Variants in GLIS3 observed in about 807,000 individuals in gnomAD.
GLIS3 encodes zinc finger protein GLIS3.
GLIS3 carries 53 observed loss-of-function variants against 78.6 expected under a neutral mutation model. That is an observed-to-expected ratio of 0.67 (90% confidence interval 0.54 to 0.85). The LOEUF (loss-of-function observed/expected upper bound fraction) is 0.85. Ranked by LOEUF, GLIS3 falls within the 40% of genes least tolerant of loss-of-function variation. The pLI is 0.00. For synonymous variants in GLIS3, 684 were observed against 509.9 expected (o/e 1.34, Z -4.60); for missense variants, 1,703 against 1,231.1 (o/e 1.38, Z -5.74).
At chr9:4,203,006 C>T (rs1274873165) in intron 2 of GLIS3, among the ~76,000 whole-genome samples, 1 of 152,042 alleles carries the variant, frequency 6.6e-6, no homozygotes. Flanking sequence ...TTCTATACGG[C>T]AAAAGAAATT....
the GLIS3 span, among the ~76,000 whole-genome samples, chr9:4,488,524 C>CA: frequency 6.7e-6 from 1 of 149,350 alleles, no homozygotes; most frequent in Non-Finnish European, 1.5e-5. Context: ...CGCTCTCTCT[C>CA]TTTTTTTTTT....
chr9:4,413,711 G>T, the GLIS3 span, among the ~76,000 whole-genome samples: 1 of 152,048 alleles, frequency 6.6e-6, no homozygotes, highest in Non-Finnish European at 1.5e-5. Flanking sequence ...TAACACGGGG[G>T]ACTCATTTGA....
intron 2 of GLIS3, among the ~76,000 whole-genome samples, chr9:4,346,069 A>C (rs1817893994): frequency 6.6e-6 from 1 of 152,198 alleles, no homozygotes; most frequent in Non-Finnish European, 1.5e-5. Context: ...TAAAATTATG[A>C]TCAATTCACT....
At chr9:4,037,349 T>A (rs1475442387) in intron 4 of GLIS3, among the ~76,000 whole-genome samples, 1 of 152,154 alleles carries the variant, frequency 6.6e-6, no homozygotes, top group Non-Finnish European at 1.5e-5. Context: ...CGTGCCTCAG[T>A]TTTCTCATCT....
At chr9:4,115,059 T>A (rs1272466394) in intron 4 of GLIS3, among the ~76,000 whole-genome samples, 2 of 152,314 alleles carry the variant, frequency 1.3e-5, no homozygotes, top group East Asian at 3.9e-4. Flanking sequence ...AGCCACTTAC[T>A]GTAAGCAAGC....
the GLIS3 span, among the ~76,000 whole-genome samples, chr9:4,468,809 G>A: frequency 3.3e-5 from 5 of 152,102 alleles, no homozygotes; most frequent in Admixed American, 6.6e-5. Context: ...ATGTAAATGG[G>A]CTAAATGCTC....
chr9:4,011,172 T>A (rs1487536698), intron 4 of GLIS3, among the ~76,000 whole-genome samples: 1 of 152,052 alleles, frequency 6.6e-6, no homozygotes, highest in Non-Finnish European at 1.5e-5. Context: ...GTTTTATGCA[T>A]AGGAAGCGCT....
At chr9:4,135,907 T>C (rs1334715444) in intron 2 of GLIS3, among the ~76,000 whole-genome samples, 1 of 152,190 alleles carries the variant, frequency 6.6e-6, no homozygotes, top group Non-Finnish European at 1.5e-5. Flanking sequence ...GCTTGCTATG[T>C]AGTGTTTTGT....
At chr9:4,353,162 C>T (rs1307720209), upstream of GLIS3, among the ~76,000 whole-genome samples, 1 of 152,118 alleles carries the variant, frequency 6.6e-6, no homozygotes, top group Non-Finnish European at 1.5e-5. Context: ...TGAGAAGTTC[C>T]CTCTCTTGAC....
intron 1 of GLIS3, among the ~76,000 whole-genome samples, chr9:4,297,869 G>A (rs1282950249): frequency 1.3e-5 from 2 of 152,102 alleles, no homozygotes; most frequent in Non-Finnish European, 2.9e-5. Flanking sequence ...GGCAGGAGGA[G>A]GGCGGCCCTT....
intron 2 of GLIS3, among the ~76,000 whole-genome samples, chr9:4,170,818 A>G (rs1003679127): frequency 6.6e-6 from 1 of 152,220 alleles, no homozygotes; most frequent in African/African-American, 2.4e-5. Context: ...AAACACTTCC[A>G]TTGTAAATAC....
chr9:4,311,548 G>T (rs1375340054), intron 2 of GLIS3, among the ~76,000 whole-genome samples: 1 of 152,114 alleles, frequency 6.6e-6, no homozygotes, highest in African/African-American at 2.4e-5. Flanking sequence ...CCCTGCAACT[G>T]TCAGGGCCCA....
intron 4 of GLIS3, among the ~76,000 whole-genome samples, chr9:4,067,789 C>T (rs182647414): frequency 4.0e-4 from 49 of 123,646 alleles, no homozygotes; most frequent in African/African-American, 1.4e-3. Context: ...AGAAAAAAAC[C>T]ATGAACATTA....
intron 2 of GLIS3, among the ~76,000 whole-genome samples, chr9:4,336,637 C>T (rs1188368435): frequency 6.6e-6 from 1 of 152,222 alleles, no homozygotes; most frequent in Non-Finnish European, 1.5e-5. Context: ...CAGTAAGCGA[C>T]AGAACTAGGG....
At chr9:3,840,519 C>A (rs1282706990) in intron 9 of GLIS3, among the ~76,000 whole-genome samples, 1 of 152,178 alleles carries the variant, frequency 6.6e-6, no homozygotes, top group Non-Finnish European at 1.5e-5. Flanking sequence ...GGGCTGAGAA[C>A]TGAACCAGCT....
chr9:4,187,724 T>G (rs1426815290), intron 2 of GLIS3, among the ~76,000 whole-genome samples: 1 of 152,182 alleles, frequency 6.6e-6, no homozygotes, highest in Non-Finnish European at 1.5e-5. Context: ...CCCTTGTAAG[T>G]TGGATTCCTA....
chr9:4,489,787 C>G, the GLIS3 span, among the ~76,000 whole-genome samples: 9 of 152,176 alleles, frequency 5.9e-5, no homozygotes, highest in Admixed American at 5.9e-4. Flanking sequence ...TCCCAAGGAG[C>G]AGAAGTAAAG....
chr9:4,467,394 T>A, the GLIS3 span, among the ~76,000 whole-genome samples: 1 of 152,198 alleles, frequency 6.6e-6, no homozygotes, highest in African/African-American at 2.4e-5. Flanking sequence ...AGGTGGCCAC[T>A]GATACCTCAT....
chr9:4,194,007 T>C (rs1353048690), intron 2 of GLIS3, among the ~76,000 whole-genome samples: 1 of 152,240 alleles, frequency 6.6e-6, no homozygotes, highest in Non-Finnish European at 1.5e-5. Context: ...ATTTTGTGGC[T>C]GCTGATGTTT....
Sources: allele counts gnomAD v4.1 joint callset (sites outside exome capture counted in the v4.1 genomes callset), GRCh38; gene constraint gnomAD v4.1.1; transcripts MANE v1.5; gene names NCBI Gene and HGNC (gene_info 2026-07-23, HGNC 2026-07-21).